PDE4D: variants seen among roughly 807,000 people sequenced by gnomAD.
PDE4D encodes 3',5'-cyclic-AMP phosphodiesterase 4D.
Under a neutral mutation model 87.4 loss-of-function variants are expected in PDE4D, and 24 were observed. The ratio of observed to expected loss-of-function variants is 0.27; its 90% CI spans 0.20 to 0.39. PDE4D has a LOEUF of 0.39. PDE4D is among the 10% of genes least tolerant of loss of function. The probability of loss-of-function intolerance (pLI) is 1.00; values close to 1 mark genes in which losing one functional copy is unlikely to be tolerated. For missense variants in PDE4D, 714 were observed against 1,041.0 expected (o/e 0.69, Z 4.32); for synonymous variants, 384 against 383.2 (o/e 1.00, Z -0.02).
At chr5:60,337,353 AT>A (rs1561133733) in intron 1 of PDE4D, among the ~76,000 whole-genome samples, 4,723 of 86,230 alleles carry the variant, frequency 0.055, 476 homozygotes, top group African/African-American at 0.18. Flanking sequence ...CAAACAAACT[AT>A]ATATATATAT....
At chr5:59,533,434 A>G (rs569389497) in intron 1 of PDE4D, among the ~76,000 whole-genome samples, 4 of 152,288 alleles carry the variant, frequency 2.6e-5, no homozygotes, top group Admixed American at 6.5e-5. Flanking sequence ...TTTCTCCAGG[A>G]TTGATGTAAT....
intron 7 of PDE4D, among the ~76,000 whole-genome samples, chr5:58,992,521 T>A (rs1439975551): frequency 1.3e-5 from 2 of 152,094 alleles, no homozygotes; most frequent in Non-Finnish European, 2.9e-5. Context: ...AAACAGCAGG[T>A]TTTGGATGAC....
At chr5:59,075,544 C>T (rs1322504198) in intron 5 of PDE4D, among the ~76,000 whole-genome samples, 1 of 151,462 alleles carries the variant, frequency 6.6e-6, no homozygotes, top group Non-Finnish European at 1.5e-5. Flanking sequence ...TTTTATTATC[C>T]AAAAAATAGG....
intron 1 of PDE4D, among the ~76,000 whole-genome samples, chr5:59,489,102 T>A (rs1805706947): frequency 6.6e-6 from 1 of 151,864 alleles, no homozygotes. Context: ...CTGGACAATA[T>A]GGTGAAACCC....
At chr5:59,373,959 G>C (rs1182954892) in intron 1 of PDE4D, among the ~76,000 whole-genome samples, 1 of 152,050 alleles carries the variant, frequency 6.6e-6, no homozygotes, top group South Asian at 2.1e-4. Flanking sequence ...ATAATATCCT[G>C]TTCAGACAAG....
At chr5:59,055,361 C>G (rs1762179873) in intron 5 of PDE4D, among the ~76,000 whole-genome samples, 1 of 152,080 alleles carries the variant, frequency 6.6e-6, no homozygotes, top group African/African-American at 2.4e-5. Flanking sequence ...AGAACTTATA[C>G]TGGATTTTTA....
At chr5:60,133,486 C>T (rs1335479965) in intron 2 of PDE4D, among the ~76,000 whole-genome samples, 1 of 151,924 alleles carries the variant, frequency 6.6e-6, no homozygotes, top group Non-Finnish European at 1.5e-5. Flanking sequence ...TAGTCAACTT[C>T]TAACAAATAT....
chr5:60,105,087 C>A (rs1290423180), intron 2 of PDE4D, among the ~76,000 whole-genome samples: 1 of 152,062 alleles, frequency 6.6e-6, no homozygotes, highest in African/African-American at 2.4e-5. Flanking sequence ...AAATTCAAAC[C>A]AAAGGCAAAG....
intron 1 of PDE4D, among the ~76,000 whole-genome samples, chr5:59,641,470 T>C (rs547679010): frequency 7.9e-5 from 12 of 152,320 alleles, no homozygotes; most frequent in African/African-American, 2.9e-4. Context: ...CGAATATCGT[T>C]AAAACTTCAA....
At chr5:60,245,487 G>A (rs1203622900) in intron 1 of PDE4D, among the ~76,000 whole-genome samples, 1 of 151,994 alleles carries the variant, frequency 6.6e-6, no homozygotes, top group African/African-American at 2.4e-5. Flanking sequence ...ACACTCCCGT[G>A]TTTATTGTAG....
At chr5:59,873,779 T>C (rs546363675) in intron 1 of PDE4D, among the ~76,000 whole-genome samples, 1 of 152,358 alleles carries the variant, frequency 6.6e-6, no homozygotes, top group South Asian at 2.1e-4. Context: ...GGTATGTTTT[T>C]GAAAACTAGT....
At chr5:59,022,624 CT>C (rs1337537019) in intron 6 of PDE4D, among the ~76,000 whole-genome samples, 8 of 152,164 alleles carry the variant, frequency 5.3e-5, no homozygotes, top group African/African-American at 1.9e-4. Context: ...CTCAGATCTG[CT>C]TTAGTCACTT....
intron 1 of PDE4D, among the ~76,000 whole-genome samples, chr5:59,777,934 CTT>C (rs979030105): frequency 1.1e-4 from 17 of 152,048 alleles, no homozygotes; most frequent in African/African-American, 3.9e-4. Context: ...GAAATAAACT[CTT>C]TTGCAGGTGT....
chr5:60,060,359 AG>A lies in PDE4D; in HGVS notation c.43-71643del, dbSNP rs149275851. 8.5e-3 allele frequency among the ~76,000 whole-genome samples: 1,298 copies of A among 152,222 alleles called. 17 individuals carry two copies. The highest frequency in any genetic ancestry group is 0.03 in the African/African-American group (1,236 of 41,548). Reference sequence around the variant, plus strand: ...GTAAAAGCCAACATTTTGGTTATAAAGACACCTTTTTCTATCTGTTCCCATG... The same window carrying A: ...GTAAAAGCCAACATTTTGGTTATAAAACACCTTTTTCTATCTGTTCCCATG... On this transcript the variant is annotated intron_variant, in intron 2 of 16. Coordinates refer to the PDE4D transcript ENST00000502484.
chr5:60,396,413 C>A (rs2150036590), intron 1 of PDE4D, among the ~76,000 whole-genome samples: 1 of 152,352 alleles, frequency 6.6e-6, no homozygotes, highest in South Asian at 2.1e-4. Flanking sequence ...TACGGGTCTT[C>A]TTCTCATGGG....
chr5:59,723,916 T>C (rs1756224632), intron 1 of PDE4D, among the ~76,000 whole-genome samples: 1 of 152,164 alleles, frequency 6.6e-6, no homozygotes, highest in Non-Finnish European at 1.5e-5. Context: ...ATCCAGGTTA[T>C]GGAGCATTCA....
chr5:59,022,911 T>C (rs1205271569), intron 6 of PDE4D, among the ~76,000 whole-genome samples: 1 of 152,208 alleles, frequency 6.6e-6, no homozygotes, highest in African/African-American at 2.4e-5. Flanking sequence ...CACAGTGGCT[T>C]ACGCCTGTAA....
intron 1 of PDE4D, among the ~76,000 whole-genome samples, chr5:60,191,066 G>A (rs1322013715): frequency 6.6e-6 from 1 of 151,984 alleles, no homozygotes; most frequent in Non-Finnish European, 1.5e-5. Flanking sequence ...TCATTTTACA[G>A]AACTCTTCCT....
At chr5:59,009,871 A>G (rs995721230) in intron 6 of PDE4D, among the ~76,000 whole-genome samples, 6 of 152,218 alleles carry the variant, frequency 3.9e-5, no homozygotes, top group African/African-American at 1.4e-4. Context: ...GCCCAAAGAT[A>G]AATGCAAAAC....
Sources: gnomAD v4.1 joint callset for allele counts (sites outside exome capture counted in the v4.1 genomes callset) on GRCh38, gnomAD v4.1.1 for gene constraint, MANE v1.5 for transcripts, NCBI Gene and HGNC (gene_info 2026-07-23, HGNC 2026-07-21) for gene names.